Variants in GLI2 observed in about 807,000 individuals in gnomAD.
GLI2 encodes transcription activator GLI2.
Under a neutral mutation model 78.9 loss-of-function variants are expected in GLI2, and 22 were observed. That is an observed-to-expected ratio of 0.28 (90% confidence interval 0.20 to 0.40). GLI2 has a LOEUF of 0.40. Among genes scored for constraint, GLI2 ranks in the 10% least tolerant of loss-of-function variants. The probability of loss-of-function intolerance (pLI) is 1.00; values close to 1 mark genes in which losing one functional copy is unlikely to be tolerated. For synonymous variants in GLI2, 974 were observed against 963.7 expected (o/e 1.01, Z -0.20); for missense variants, 2,097 against 2,213.2 (o/e 0.95, Z 1.05).
chr2:120,858,460 G>C (rs944748844), intron 2 of GLI2, among the ~76,000 whole-genome samples: 2 of 152,192 alleles, frequency 1.3e-5, no homozygotes, highest in Non-Finnish European at 2.9e-5. Flanking sequence ...GGCCAAGCTA[G>C]TGAACAACAA....
intron 2 of GLI2, among the ~76,000 whole-genome samples, chr2:120,903,812 C>T (rs964759794): frequency 1.3e-5 from 2 of 152,154 alleles, no homozygotes; most frequent in Admixed American, 6.5e-5. Flanking sequence ...CTGTTCTGCC[C>T]CTCTTTCCTG....
intron 1 of GLI2, among the ~76,000 whole-genome samples, chr2:120,796,046 AAAAC>A (rs549499204): frequency 1.1e-3 from 169 of 152,256 alleles, no homozygotes; most frequent in Middle Eastern, 3.4e-3. Flanking sequence ...CTCCAGCTCA[AAAAC>A]AAACAAACAA....
At position 120,855,034 on chromosome 2, in the gene GLI2, G is replaced by A. The variant is rs538566949; in HGVS notation, c.148+57566G>A. On this transcript the variant is annotated intron_variant, in intron 2 of 13. Transcript: ENST00000361492. The stretch of plus-strand genomic sequence containing the variant: ...AGCAGGCTCCCCTCGAGGTCATCGC[G>A]GAATGACCCTGATTTCCTCATCTAA... Among the ~76,000 whole-genome samples the A allele has an allele frequency of 3.3e-5, 5 of 152,348 alleles. No homozygotes were observed. The South Asian group carries it at 6.2e-4, about 19-fold the overall frequency.
chr2:120,981,097 T>G (rs543564636), intron 10 of GLI2, among the ~76,000 whole-genome samples: 52 of 152,152 alleles, frequency 3.4e-4, no homozygotes, highest in Non-Finnish European at 6.5e-4. Context: ...GCCAGGCTGG[T>G]CTTGAACTCC....
At chr2:120,913,235 G>T (rs765820147) in intron 2 of GLI2, among the ~76,000 whole-genome samples, 2 of 152,006 alleles carry the variant, frequency 1.3e-5, no homozygotes, top group Non-Finnish European at 2.9e-5. Flanking sequence ...TGTTCAGTAG[G>T]GTAGCCGCGA....
chr2:120,974,242 C>T (rs745954413), intron 8 of GLI2, among the ~76,000 whole-genome samples: 2 of 152,086 alleles, frequency 1.3e-5, no homozygotes, highest in Non-Finnish European at 2.9e-5. Context: ...GAGTATGAGC[C>T]TCTCCCTGTG....
chr2:120,924,145 G>A (rs72955383), intron 2 of GLI2, among the ~76,000 whole-genome samples: 4,100 of 152,310 alleles, frequency 0.027, 57 homozygotes, highest in Middle Eastern at 0.048. Flanking sequence ...CTGGGGGATG[G>A]CCTGTGTGAA....
At chr2:120,911,956 G>A (rs977846702) in intron 2 of GLI2, among the ~76,000 whole-genome samples, 3 of 152,124 alleles carry the variant, frequency 2.0e-5, no homozygotes, top group Admixed American at 6.5e-5. Context: ...CCAGGCTGGG[G>A]CTCTTGACTC....
chr2:120,875,848 T>A (rs1688710957), intron 2 of GLI2, among the ~76,000 whole-genome samples: 1 of 152,030 alleles, frequency 6.6e-6, no homozygotes, highest in African/African-American at 2.4e-5. Context: ...AACCATACTA[T>A]AAAGCTGTAG....
chr2:120,867,921 G>A (rs1688228496), intron 2 of GLI2, among the ~76,000 whole-genome samples: 1 of 152,208 alleles, frequency 6.6e-6, no homozygotes. Context: ...AGAAAATGGA[G>A]CAAGAAAGTG....
At chr2:120,751,647 C>T (rs1254099845) in intron 1 of GLI2, among the ~76,000 whole-genome samples, 1 of 152,090 alleles carries the variant, frequency 6.6e-6, no homozygotes, top group Admixed American at 6.5e-5. Flanking sequence ...TCCAGGCCCA[C>T]GTTGGTGTTC....
At chr2:120,739,360 T>A (rs562885523) in intron 1 of GLI2, among the ~76,000 whole-genome samples, 7 of 152,284 alleles carry the variant, frequency 4.6e-5, no homozygotes, top group African/African-American at 1.4e-4. Context: ...GAGGTTGTCA[T>A]GTGCACTTTG....
chr2:120,746,520 C>G (rs1682698867), intron 1 of GLI2, among the ~76,000 whole-genome samples: 3 of 152,202 alleles, frequency 2.0e-5, no homozygotes, highest in Non-Finnish European at 2.9e-5. Flanking sequence ...AGAGCCATGC[C>G]TATCCCTCTT....
At chr2:120,833,476 A>G (rs933707600) in intron 2 of GLI2, among the ~76,000 whole-genome samples, 2 of 152,122 alleles carry the variant, frequency 1.3e-5, no homozygotes, top group Non-Finnish European at 2.9e-5. Flanking sequence ...GACCCTGGGC[A>G]AGGCACTGCA....
At chr2:120,814,835 A>G (rs1435938320) in intron 2 of GLI2, among the ~76,000 whole-genome samples, 1 of 131,876 alleles carries the variant, frequency 7.6e-6, no homozygotes, top group Non-Finnish European at 1.6e-5. Flanking sequence ...TCTTCCATGA[A>G]ACTGGTCCCT....
chr2:120,934,516 C>A (rs571258375), intron 3 of GLI2, among the ~76,000 whole-genome samples: 12 of 152,186 alleles, frequency 7.9e-5, no homozygotes, highest in Non-Finnish European at 2.9e-5. Flanking sequence ...CCCAAGGCCA[C>A]CCTTCCTGGA....
At chr2:120,809,153 G>GT (rs1480957848) in intron 2 of GLI2, among the ~76,000 whole-genome samples, 2 of 152,232 alleles carry the variant, frequency 1.3e-5, no homozygotes, top group African/African-American at 4.8e-5. Flanking sequence ...GCAGAACGTG[G>GT]TATGTATGTA....
intron 1 of GLI2, among the ~76,000 whole-genome samples, chr2:120,765,952 C>T (rs536155625): frequency 3.3e-5 from 5 of 152,316 alleles, no homozygotes; most frequent in Admixed American, 3.3e-4. Context: ...AAGCACTCCT[C>T]CTGGAATTCA....
At chr2:120,790,371 G>C (rs1471258408) in intron 1 of GLI2, among the ~76,000 whole-genome samples, 1 of 152,154 alleles carries the variant, frequency 6.6e-6, no homozygotes, top group Non-Finnish European at 1.5e-5. Context: ...GAGGGGCATG[G>C]GGCTGACCCA....
Sources: gnomAD v4.1 joint callset for allele counts (sites outside exome capture counted in the v4.1 genomes callset) on GRCh38, gnomAD v4.1.1 for gene constraint, MANE v1.5 for transcripts, NCBI Gene and HGNC (gene_info 2026-07-23, HGNC 2026-07-21) for gene names.